Variants in SNX14 observed in about 807,000 individuals in gnomAD.
SNX14 encodes sorting nexin-14.
In SNX14, 93 loss-of-function variants were observed where a neutral mutation model predicts 133.8. The observed-to-expected ratio is 0.70, with a 90% confidence interval of 0.59 to 0.83. SNX14 has a LOEUF of 0.83. SNX14 is among the 40% of genes least tolerant of loss of function. The probability of loss-of-function intolerance (pLI) is 0.00; values close to 1 mark genes in which losing one functional copy is unlikely to be tolerated. For synonymous variants in SNX14, 368 were observed against 365.6 expected (o/e 1.01, Z -0.07); for missense variants, 945 against 1,094.9 (o/e 0.86, Z 1.93).
rs774923288 is a variant in SNX14 at position 85,549,732 on chromosome 6, G to A, written c.782C>T (p.Thr261Ile). 5.6e-6 allele frequency: 9 copies of A among 1,612,090 alleles called. No individual in the cohort carries two copies. The South Asian group carries it at 9.9e-5, about 18-fold the overall frequency. The change falls in exon 8 of 29, where the codon ACA (threonine) becomes ATA (isoleucine). Residue 261 changes from threonine (T) to isoleucine (I), a missense_variant. By Grantham distance (89) the Thr-to-Ile change is moderately conservative. Around this residue, in one of 3 missense-constraint regions of SNX14, gnomAD observed 514 missense variants for 538.8 expected, o/e 0.95. Coordinates refer to ENST00000314673, the MANE Select transcript of SNX14 (RefSeq NM_153816.6). ...TCTAGTCTTTTTATACCTGCAGTCT[G>A]TTGCTTTAGGAGGCAAAATATAAGG... is the stretch of plus-strand genomic sequence containing the variant. Reference protein sequence around the residue: ...LFPYILPPKATDCRSLTLLIR... With the variant: ...LFPYILPPKAIDCRSLTLLIR...
At chr6:85,543,789 A>C (rs764226816) in intron 12 of SNX14, 29 bp from the exon 13 acceptor site, 1 of 1,306,668 alleles carries the variant, frequency 7.7e-7, no homozygotes, top group Non-Finnish European at 1.0e-6. Context: ...AATAAGAAAA[A>C]ATAATTTTAA....
At chr6:85,537,620 C>T (rs1057448126) in intron 16 of SNX14, among the ~76,000 whole-genome samples, 1 of 152,168 alleles carries the variant, frequency 6.6e-6, no homozygotes, top group Non-Finnish European at 1.5e-5. Context: ...CCCAATGTTT[C>T]AGCAATTAAA....
intron 26 of SNX14, chr6:85,508,320 T>TTA: frequency 1.2e-6 from 1 of 868,802 alleles, no homozygotes; most frequent in African/African-American, 2.4e-5. Context: ...AATGCTGCAG[T>TTA]AAAAAAAAAA....
At chr6:85,513,074 T>A (rs930011648) in intron 26 of SNX14, among the ~76,000 whole-genome samples, 1 of 152,236 alleles carries the variant, frequency 6.6e-6, no homozygotes, top group Non-Finnish European at 1.5e-5. Context: ...CTCCAACTTT[T>A]GAACCTCGGT....
At chr6:85,546,996 A>T (rs1562293686) in intron 12 of SNX14, 116 bp downstream of exon 12, 6 of 666,474 alleles carry the variant, frequency 9.0e-6, no homozygotes, top group Non-Finnish European at 1.5e-5. Context: ...GAAATCGAGT[A>T]TATGAAATTT....
chr6:85,531,064 T>C (rs1780140952), intron 18 of SNX14, among the ~76,000 whole-genome samples: 1 of 152,218 alleles, frequency 6.6e-6, no homozygotes, highest in African/African-American at 2.4e-5. Flanking sequence ...ATGTTGCCAC[T>C]GAGTACTTGA....
intron 1 of SNX14, among the ~76,000 whole-genome samples, chr6:85,591,564 C>T (rs1182637258): frequency 6.6e-6 from 1 of 152,148 alleles, no homozygotes; most frequent in Non-Finnish European, 1.5e-5. Flanking sequence ...CATCCTATGA[C>T]TTTTTAATAA....
intron 26 of SNX14, among the ~76,000 whole-genome samples, chr6:85,512,419 C>T (rs549408271): frequency 4.5e-4 from 69 of 152,126 alleles, no homozygotes; most frequent in African/African-American, 1.6e-3. Context: ...GTCAGGAGTT[C>T]GAGACCAGCC....
Position 85,554,595 on chromosome 6 carries a change from T to C in SNX14, c.634+3381A>G, listed in dbSNP as rs543642066. Among the ~76,000 whole-genome samples the C allele has an allele frequency of 2.0e-5, 3 of 152,308 alleles. No homozygotes were observed. In the East Asian group the frequency reaches 5.8e-4, roughly 29 times the overall value. Reference sequence around the variant, plus strand: ...TCATGATATTTAGAACACTGGGATCTTGGGATAAAATAAGAGCCCTCCTAA... The same window carrying C: ...TCATGATATTTAGAACACTGGGATCCTGGGATAAAATAAGAGCCCTCCTAA... On this transcript the variant is annotated intron_variant, in intron 7 of 28. Transcript: ENST00000314673.
At chr6:85,543,449 G>A (rs1339004013) in intron 13 of SNX14, 143 bp from the exon 14 acceptor site, 12 of 1,043,844 alleles carry the variant, frequency 1.1e-5, no homozygotes, top group Admixed American at 9.8e-5. Flanking sequence ...AATACATAAA[G>A]TATAAATAAG....
intron 6 of SNX14, among the ~76,000 whole-genome samples, chr6:85,563,895 A>G (rs183726360): frequency 5.9e-5 from 9 of 152,226 alleles, no homozygotes; most frequent in African/African-American, 2.2e-4. Context: ...TACATTAGGT[A>G]TATCTCCTAA....
intron 24 of SNX14, 133 bp from the exon 25 acceptor site, chr6:85,514,367 G>A: frequency 2.8e-6 from 4 of 1,427,060 alleles, no homozygotes; most frequent in Non-Finnish European, 3.8e-6. Flanking sequence ...ATATGATCAA[G>A]GCCAATCGTA....
At chr6:85,532,760 G>A (rs568562388) in intron 18 of SNX14, among the ~76,000 whole-genome samples, 3 of 152,190 alleles carry the variant, frequency 2.0e-5, no homozygotes, top group Admixed American at 2.0e-4. Context: ...TTAAAGTGGT[G>A]ACTGTTTATC....
intron 7 of SNX14, among the ~76,000 whole-genome samples, chr6:85,550,487 AATT>A (rs918704852): frequency 4.6e-5 from 7 of 151,996 alleles, no homozygotes; most frequent in African/African-American, 1.4e-4. Flanking sequence ...TCTTACTCAA[AATT>A]ATTATTATTA....
chr6:85,526,419 G>A (rs760901572), intron 20 of SNX14, among the ~76,000 whole-genome samples, 182 bp from the exon 21 acceptor site: 1 of 152,168 alleles, frequency 6.6e-6, no homozygotes, highest in African/African-American at 2.4e-5. Context: ...GGCCTTTATA[G>A]TCAGATATGA....
chr6:85,527,033 C>T (rs1448030691), intron 20 of SNX14, among the ~76,000 whole-genome samples: 2 of 151,906 alleles, frequency 1.3e-5, no homozygotes, highest in East Asian at 1.9e-4. Context: ...CGTGCCGTTG[C>T]GCTCCAGCCT....
intron 1 of SNX14, among the ~76,000 whole-genome samples, chr6:85,583,585 C>A (rs372794616): frequency 6.6e-6 from 1 of 152,182 alleles, no homozygotes; most frequent in Non-Finnish European, 1.5e-5. Context: ...GCAAAAATCA[C>A]AAGCATTACT....
chr6:85,530,632 G>A (rs1395326582), intron 18 of SNX14, among the ~76,000 whole-genome samples: 2 of 145,542 alleles, frequency 1.4e-5, no homozygotes, highest in African/African-American at 5.2e-5. Flanking sequence ...GCAACAGAGC[G>A]AGACTCTGTC....
At chr6:85,544,701 A>C (rs2128081739) in intron 12 of SNX14, among the ~76,000 whole-genome samples, 1 of 152,316 alleles carries the variant, frequency 6.6e-6, no homozygotes, top group Middle Eastern at 3.4e-3. Context: ...CTGAGGCAAG[A>C]GGATGAATGA....
Sources: gnomAD v4.1 joint callset for allele counts (sites outside exome capture counted in the v4.1 genomes callset) on GRCh38, gnomAD v4.1.1 for gene constraint, gnomAD v4.1.1 regional missense constraint, MANE v1.5 for transcripts, NCBI Gene and HGNC (gene_info 2026-07-23, HGNC 2026-07-21) for gene names.